ERICH6B: variants seen among roughly 807,000 people sequenced by gnomAD.
ERICH6B encodes glutamate-rich protein 6B.
A neutral mutation model predicts 80.0 loss-of-function variants in ERICH6B; 69 were observed. That is an observed-to-expected ratio of 0.86 (90% CI 0.71 to 1.05). The LOEUF (loss-of-function observed/expected upper bound fraction) is 1.05. ERICH6B is among the 50% of genes least tolerant of loss of function. ERICH6B has a pLI of 0.00. For missense variants in ERICH6B, 754 were observed against 796.1 expected (o/e 0.95, Z 0.64); for synonymous variants, 283 against 291.9 (o/e 0.97, Z 0.31).
intron 1 of ERICH6B, among the ~76,000 whole-genome samples, chr13:45,615,316 CA>C (rs1225571247): frequency 1.3e-5 from 2 of 152,196 alleles, no homozygotes; most frequent in Admixed American, 1.3e-4. Flanking sequence ...GGTCTATATT[CA>C]GGCTGTCAAG....
At chr13:45,584,247 CCATA>C (rs1269507985) in intron 5 of ERICH6B, among the ~76,000 whole-genome samples, 18 of 152,172 alleles carry the variant, frequency 1.2e-4, no homozygotes, top group Non-Finnish European at 2.1e-4. Context: ...ACACATGAGG[CCATA>C]ACTAGTGTTT....
At chr13:45,601,112 A>G (rs1213784029) in intron 2 of ERICH6B, among the ~76,000 whole-genome samples, 1 of 152,086 alleles carries the variant, frequency 6.6e-6, no homozygotes, top group Non-Finnish European at 1.5e-5. Context: ...CGATGCCTTG[A>G]TGTTTCCTCT....
In ERICH6B at chr13:45,615,027, C is replaced by G. The variant is rs142548283; in HGVS notation, c.-111+658G>C. Among the ~76,000 whole-genome samples, 4 of 152,314 alleles carry G rather than the reference C, an allele frequency of 2.6e-5. No individual in the cohort carries two copies. The East Asian group carries it at 7.7e-4, about 29-fold the overall frequency. On this transcript the variant is annotated intron_variant, in intron 1 of 14. Transcript: ENST00000298738. The stretch of plus-strand genomic sequence containing the variant: ...TCATTACAACATCATTTCCTAGGAC[C>G]TTTTTTATAAATAGAATTTCGAATA...
chr13:45,605,946 G>A (rs1245777474), intron 2 of ERICH6B, among the ~76,000 whole-genome samples: 1 of 152,202 alleles, frequency 6.6e-6, no homozygotes, highest in Non-Finnish European at 1.5e-5. Flanking sequence ...GCAGTGAGCT[G>A]GTCTGAGGCC....
chr13:45,614,036 G>T (rs1292865962), intron 1 of ERICH6B, among the ~76,000 whole-genome samples: 1 of 152,184 alleles, frequency 6.6e-6, no homozygotes, highest in African/African-American at 2.4e-5. Context: ...GCTTCACCCT[G>T]TCTGCTGGTG....
At chr13:45,586,253 T>C (rs1429969857) in intron 5 of ERICH6B, among the ~76,000 whole-genome samples, 1 of 152,118 alleles carries the variant, frequency 6.6e-6, no homozygotes, top group East Asian at 1.9e-4. Flanking sequence ...CCTAATTTCA[T>C]TTAACCACAT....
At chr13:45,554,176 T>C (rs1292845438) in intron 11 of ERICH6B, among the ~76,000 whole-genome samples, 1 of 152,216 alleles carries the variant, frequency 6.6e-6, no homozygotes, top group African/African-American at 2.4e-5. Context: ...TTCTATGAGT[T>C]TGGTGTTTTT....
intron 2 of ERICH6B, among the ~76,000 whole-genome samples, chr13:45,602,936 T>G (rs1293419631): frequency 6.6e-6 from 1 of 152,236 alleles, no homozygotes; most frequent in African/African-American, 2.4e-5. Flanking sequence ...ATTATGGGAA[T>G]TGGCTCACAC....
chr13:45,548,747 TC>T (rs1217401520), intron 13 of ERICH6B, among the ~76,000 whole-genome samples: 1 of 152,142 alleles, frequency 6.6e-6, no homozygotes, highest in African/African-American at 2.4e-5. Context: ...CTTGCCCCAC[TC>T]CTTTGTGCTT....
At chr13:45,607,975 C>T (rs954262560) in intron 1 of ERICH6B, among the ~76,000 whole-genome samples, 1 of 152,082 alleles carries the variant, frequency 6.6e-6, no homozygotes, top group Non-Finnish European at 1.5e-5. Context: ...TGTTGGACAT[C>T]AACTAACTTT....
At chr13:45,573,185 A>G (rs1268625326) in intron 8 of ERICH6B, among the ~76,000 whole-genome samples, 1 of 152,068 alleles carries the variant, frequency 6.6e-6, no homozygotes, top group Non-Finnish European at 1.5e-5. Context: ...ACACACACAC[A>G]CGCAATACAA....
chr13:45,606,508 T>C (rs1305988952), intron 2 of ERICH6B, among the ~76,000 whole-genome samples: 1 of 22,826 alleles, frequency 4.4e-5, no homozygotes, highest in Non-Finnish European at 6.7e-5. Context: ...TGTATGTGTA[T>C]ATATATATAT....
intron 3 of ERICH6B, among the ~76,000 whole-genome samples, chr13:45,594,915 A>G (rs920631402): frequency 6.6e-6 from 1 of 152,208 alleles, no homozygotes; most frequent in African/African-American, 2.4e-5. Flanking sequence ...ACATCAAGAG[A>G]AGACACTGCA....
At chr13:45,570,664 C>T (rs943372868) in intron 8 of ERICH6B, among the ~76,000 whole-genome samples, 23 of 152,094 alleles carry the variant, frequency 1.5e-4, no homozygotes, top group South Asian at 4.1e-4. Flanking sequence ...CCATTGCAGC[C>T]GCAGGTTCCA....
chr13:45,575,353 CA>C (rs1321758540), intron 7 of ERICH6B, among the ~76,000 whole-genome samples: 1 of 152,164 alleles, frequency 6.6e-6, no homozygotes, highest in African/African-American at 2.4e-5. Context: ...TGACACATGG[CA>C]GGGGGAACCC....
In ERICH6B at chr13:45,544,861, T is replaced by C. The variant is rs1299817392; in HGVS notation, c.1771A>G (p.Asn591Asp). ...CTTATTTGTACCTGGATGTACTCAT[T>C]GATTTTCAAGGAGATGGGCTGGACA... ...PPVQPISLKI[N>D]EYIQVQIRSQ... is the part of the protein sequence containing the mutation. The change falls in exon 14 of 15, where the codon AAT becomes GAT. Residue 591 changes from asparagine (N) to aspartate (D), a missense_variant. Physicochemically the swap from Asn to Asp is conservative, Grantham distance 23. Transcript: ENST00000298738. The C allele has an allele frequency of 2.6e-6, 4 of 1,551,708 alleles. No homozygotes were observed. The East Asian group carries it at 9.8e-5, about 38-fold the overall frequency.
At chr13:45,598,375 G>A (rs1593325820) in intron 2 of ERICH6B, among the ~76,000 whole-genome samples, 1 of 152,162 alleles carries the variant, frequency 6.6e-6, no homozygotes, top group South Asian at 2.1e-4. Context: ...CTACAGCAGT[G>A]CACCCTGAAG....
intron 5 of ERICH6B, among the ~76,000 whole-genome samples, chr13:45,584,510 A>G (rs1875814853): frequency 6.6e-6 from 1 of 152,140 alleles, no homozygotes; most frequent in South Asian, 2.1e-4. Flanking sequence ...GTGCCTTGAA[A>G]CCAATTCATC....
chr13:45,564,086 G>A (rs1045496154), intron 9 of ERICH6B, among the ~76,000 whole-genome samples: 6 of 152,238 alleles, frequency 3.9e-5, no homozygotes, highest in Non-Finnish European at 7.3e-5. Context: ...AGCTGACAGA[G>A]CAGGGAGGTC....
Sources: gnomAD v4.1 joint callset for allele counts (sites outside exome capture counted in the v4.1 genomes callset) on GRCh38, gnomAD v4.1.1 for gene constraint, MANE v1.5 for transcripts, NCBI Gene and HGNC (gene_info 2026-07-23, HGNC 2026-07-21) for gene names.